The following PLB1 variants were observed in gnomAD, a reference collection of about 807,000 sequenced individuals.
The protein encoded by PLB1 is phospholipase B1, membrane-associated.
Under a neutral mutation model 227.4 loss-of-function variants are expected in PLB1, and 242 were observed. The ratio of observed to expected loss-of-function variants is 1.06; its 90% CI spans 0.96 to 1.18. PLB1 has a LOEUF of 1.18. Ranked by LOEUF, PLB1 falls within the 50% of genes most tolerant of loss-of-function variation. The pLI is 0.00. For missense variants in PLB1, 1,858 were observed against 1,816.3 expected, an observed-to-expected ratio of 1.02 and a Z score of -0.42; for synonymous variants, 757 against 682.2, an observed-to-expected ratio of 1.11 and a Z score of -1.71.
chr2:28,541,185 T>TTAAA (rs35262780), intron 12 of PLB1, among the ~76,000 whole-genome samples: 78,520 of 149,802 alleles, frequency 0.52, 20,900 homozygotes, highest in East Asian at 0.76. Context: ...AATAAATAAA[T>TTAAA]TAAATAAATA....
intron 9 of PLB1, among the ~76,000 whole-genome samples, chr2:28,538,013 G>A (rs933031639): frequency 6.6e-6 from 1 of 152,188 alleles, no homozygotes; most frequent in African/African-American, 2.4e-5. Context: ...GTGAGCTTCA[G>A]AATCACACCA....
At chr2:28,531,892 G>A (rs190655228) in intron 8 of PLB1, among the ~76,000 whole-genome samples, 91 of 152,068 alleles carry the variant, frequency 6.0e-4, no homozygotes, top group African/African-American at 2.1e-3. Flanking sequence ...ATCAAAAGGT[G>A]TGTCTTTTAA....
intron 17 of PLB1, among the ~76,000 whole-genome samples, chr2:28,556,707 A>G (rs945009034): frequency 7.2e-5 from 11 of 152,200 alleles, no homozygotes; most frequent in African/African-American, 2.7e-4. Flanking sequence ...TGGCTTATTG[A>G]CTTTCTGATG....
chr2:28,560,536 C>T (rs1675890580), intron 17 of PLB1, among the ~76,000 whole-genome samples: 1 of 152,138 alleles, frequency 6.6e-6, no homozygotes, highest in South Asian at 2.1e-4. Flanking sequence ...ATCCCAGCTA[C>T]TCAGGAGGCT....
intron 31 of PLB1, among the ~76,000 whole-genome samples, 155 bp downstream of exon 31, chr2:28,591,915 TC>T (rs1171892915): frequency 6.6e-6 from 1 of 152,190 alleles, no homozygotes; most frequent in Non-Finnish European, 1.5e-5. Flanking sequence ...AGTCCCTGTT[TC>T]GCACCACTCT....
intron 25 of PLB1, among the ~76,000 whole-genome samples, chr2:28,582,835 G>A (rs1026513331): frequency 3.9e-5 from 6 of 152,168 alleles, no homozygotes; most frequent in South Asian, 2.1e-4. Flanking sequence ...CCCGGGGACC[G>A]CCCAGGCCAC....
At chr2:28,605,719 C>A in intron 41 of PLB1, 134 bp from the exon 42 acceptor site, 1 of 685,394 alleles carries the variant, frequency 1.5e-6, no homozygotes, top group Non-Finnish European at 2.6e-6. Context: ...GGTGAATGGG[C>A]CCTGTGGTGG....
chr2:28,528,840 A>G (rs1484382512), intron 6 of PLB1, among the ~76,000 whole-genome samples: 1 of 152,052 alleles, frequency 6.6e-6, no homozygotes, highest in Non-Finnish European at 1.5e-5. Flanking sequence ...CACAGAGGCT[A>G]CAGGGGTGGC....
chr2:28,555,138 GAT>G (rs1674852381), intron 17 of PLB1, among the ~76,000 whole-genome samples: 4 of 102,492 alleles, frequency 3.9e-5, no homozygotes, highest in Non-Finnish European at 5.5e-5. Context: ...TTGTGCCAGT[GAT>G]CTTTTTTTTT....
chr2:28,570,909 G>T (rs1489729064), intron 20 of PLB1, among the ~76,000 whole-genome samples: 1 of 152,160 alleles, frequency 6.6e-6, no homozygotes, highest in East Asian at 1.9e-4. Flanking sequence ...ATGGAATGCT[G>T]CCCCCTCTCT....
chr2:28,627,308 GGGATTTAAGTATTGCTGT>G (rs55909003), intron 51 of PLB1, among the ~76,000 whole-genome samples: 1,746 of 145,088 alleles, frequency 0.012, 15 homozygotes, highest in South Asian at 0.039. Flanking sequence ...CTAACTCATG[GGGATTTAAGTATTGCTGT>G]GTTCTGGACT....
chr2:28,508,224 T>G (rs1667848737), intron 1 of PLB1, among the ~76,000 whole-genome samples: 1 of 152,194 alleles, frequency 6.6e-6, no homozygotes, highest in Admixed American at 6.5e-5. Flanking sequence ...TGAATAGCCT[T>G]TGGCAGGTTT....
At chr2:28,603,347 G>A (rs1259585620) in intron 39 of PLB1, among the ~76,000 whole-genome samples, 1 of 152,190 alleles carries the variant, frequency 6.6e-6, no homozygotes, top group Non-Finnish European at 1.5e-5. Flanking sequence ...CAAACTGGGA[G>A]TGTTTTGTTT....
At position 28,591,761 on chromosome 2, in the gene PLB1, G is replaced by A; in HGVS notation, c.2188+1G>A. The A allele has an allele frequency of 2.5e-6, 4 of 1,613,744 alleles. No individual in the cohort carries two copies. The highest frequency in any genetic ancestry group is 3.4e-6 in the Non-Finnish European group (4 of 1,179,924). On this transcript the variant is annotated splice_donor_variant, in intron 31 of 57. Transcript: ENST00000327757. LOFTEE classifies it high-confidence loss of function. ...CCTTCTGCCTTGCACCCTACCTCAGGTAAGCCCCCTATGGCACAGCAGGAC... is the reference window on the plus strand; with the variant it reads ...CCTTCTGCCTTGCACCCTACCTCAGATAAGCCCCCTATGGCACAGCAGGAC...
At chr2:28,561,058 C>T (rs1675984934) in intron 17 of PLB1, among the ~76,000 whole-genome samples, 1 of 152,230 alleles carries the variant, frequency 6.6e-6, no homozygotes, top group Admixed American at 6.5e-5. Context: ...CCTGCTGTGA[C>T]CCCCTCCTCA....
chr2:28,598,078 C>T (rs754027575), intron 34 of PLB1, 30 bp downstream of exon 34: 6 of 1,594,634 alleles, frequency 3.8e-6, no homozygotes, highest in Non-Finnish European at 5.1e-6. Flanking sequence ...TTGAATCTGT[C>T]TACTGTTCCA....
chr2:28,638,798 A>T (rs1317281661), intron 56 of PLB1, among the ~76,000 whole-genome samples: 4 of 148,866 alleles, frequency 2.7e-5, no homozygotes, highest in African/African-American at 7.5e-5. Context: ...GAAGTTTGGA[A>T]CTCACAGAGG....
intron 17 of PLB1, among the ~76,000 whole-genome samples, chr2:28,558,008 T>A (rs1410306099): frequency 6.6e-6 from 1 of 152,166 alleles, no homozygotes; most frequent in Non-Finnish European, 1.5e-5. Flanking sequence ...TCCTTCAGAA[T>A]GGCCAACTGG....
intron 57 of PLB1, among the ~76,000 whole-genome samples, chr2:28,641,674 A>C (rs1346912625): frequency 6.6e-6 from 1 of 152,096 alleles, no homozygotes; most frequent in Non-Finnish European, 1.5e-5. Flanking sequence ...TCGGGAGGCA[A>C]AGATAAAATA....
Sources: gnomAD v4.1 joint callset for allele counts (sites outside exome capture counted in the v4.1 genomes callset) on GRCh38, gnomAD v4.1.1 for gene constraint, MANE v1.5 for transcripts, NCBI Gene and HGNC (gene_info 2026-07-23, HGNC 2026-07-21) for gene names.